The following PABPN1L variants were observed in gnomAD, a reference collection of about 807,000 sequenced individuals.
PABPN1L encodes the protein embryonic polyadenylate-binding protein 2.
PABPN1L carries 45 observed loss-of-function variants against 34.0 expected under a neutral mutation model. The observed-to-expected ratio is 1.32, with a 90% CI of 1.04 to 1.70. The LOEUF is 1.70. Ranked by LOEUF, PABPN1L falls within the 40% of genes most tolerant of loss-of-function variation. The pLI is 0.00. For synonymous variants in PABPN1L, 182 were observed against 152.1 expected (o/e 1.20, Z -1.45); for missense variants, 459 against 367.8 (o/e 1.25, Z -2.03).
rs530733916 is a variant in PABPN1L, at chr16:88,864,249, T to C, written c.785A>G (p.Gln262Arg). Reference sequence around the variant, plus strand: ...GGCACCCACTCACCGGTTCTGCCCTTGTGGTCTGAGCCGGGGCCTGCCCTG... The same window carrying C: ...GGCACCCACTCACCGGTTCTGCCCTCGTGGTCTGAGCCGGGGCCTGCCCTG... The change falls in exon 6 of 7, where the codon CAA becomes CGA. Residue 262 changes from glutamine to arginine, a missense_variant. Gln to Arg is a conservative substitution (Grantham distance 43, BLOSUM62 1). Coordinates refer to ENST00000419291, the Ensembl canonical transcript of PABPN1L. 34 of 1,535,606 alleles carry C rather than the reference T, an allele frequency of 2.2e-5. 1 individual carries two copies. The South Asian group carries it at 3.3e-4, about 15-fold the overall frequency.
chr16:88,866,615 G>C lies in PABPN1L; in HGVS notation c.-9C>G, dbSNP rs780164923. 3.9e-6 allele frequency: 6 copies of C among 1,530,238 alleles called. No homozygotes were observed. The Admixed American group carries it at 8.1e-5, about 21-fold the overall frequency. 94.8% of individuals were successfully genotyped at this position (1,530,238 alleles called of 1,614,324 possible). Reference sequence around the variant, plus strand: ...CTCGGGAAGGGCCACATGGTAGAGGGGCAGGAGGAAGGTGGGCCAGGCGAG... The same window carrying C: ...CTCGGGAAGGGCCACATGGTAGAGGCGCAGGAGGAAGGTGGGCCAGGCGAG... On this transcript the variant is annotated 5_prime_UTR_variant, in exon 1 of 7. Transcript: ENST00000419291.
chr16:88,866,699 C>T (rs761860116), upstream of PABPN1L: 27 of 1,432,394 alleles, frequency 1.9e-5, no homozygotes, highest in African/African-American at 1.9e-4. Flanking sequence ...AGTTTTAAGC[C>T]CTCCCCTGAG....
chr16:88,866,570 G>C (rs1295922515), exon 1 of PABPN1L: 2 of 1,553,670 alleles, frequency 1.3e-6, no homozygotes, highest in Non-Finnish European at 1.7e-6. Context: ...GCCTGAGTCG[G>C]GGGTGGGAAG....
chr16:88,863,602 A>C (rs1359479112), exon 7 of PABPN1L: 1 of 978,634 alleles, frequency 1.0e-6, no homozygotes, highest in Non-Finnish European at 1.6e-6. Context: ...CTACTGGGCC[A>C]TCCCCCCGCC....
intron 1 of PABPN1L, 60 bp from the exon 2 acceptor site, chr16:88,866,001 G>A: frequency 6.6e-7 from 1 of 1,508,982 alleles, no homozygotes; most frequent in East Asian, 2.4e-5. Context: ...AAGGAAGGTG[G>A]GTGTGTGGCC....
chr16:88,866,468 C>A lies in PABPN1L; in HGVS notation c.139G>T (p.Gly47Trp). Residue 47 changes from glycine (G) to tryptophan (W), a missense_variant, in exon 1 of 7, where the codon GGG becomes TGG. Gly to Trp is a radical substitution (Grantham distance 184, BLOSUM62 -2). Transcript: ENST00000419291. Reference sequence around the variant, plus strand: ...TCTTCCTCCTCTTTCTCCTCCTTCCCTTCCCCACCCTCTGGCCCCAGAATC... The same window carrying A: ...TCTTCCTCCTCTTTCTCCTCCTTCCATTCCCCACCCTCTGGCCCCAGAATC... 1.9e-6 allele frequency: 3 copies of A among 1,551,566 alleles called. No homozygotes were observed. In the South Asian group the frequency reaches 3.6e-5, roughly 18 times the overall value.
At chr16:88,863,827 C>A in intron 6 of PABPN1L, 32 bp from the exon 7 acceptor site, 1 of 1,530,746 alleles carries the variant, frequency 6.5e-7, no homozygotes, top group African/African-American at 1.4e-5. Flanking sequence ...ACTGAGTGGC[C>A]TTCCAGAGGA....
At chr16:88,864,003 G>C (rs1968514894) in intron 6 of PABPN1L, among the ~76,000 whole-genome samples, 2 of 152,164 alleles carry the variant, frequency 1.3e-5, no homozygotes, top group Non-Finnish European at 2.9e-5. Flanking sequence ...CCTTGGGGCA[G>C]CTGTAGCCCA....
exon 7 of PABPN1L, chr16:88,863,794 C>G: frequency 6.5e-7 from 1 of 1,535,994 alleles, no homozygotes; most frequent in East Asian, 2.4e-5. Flanking sequence ...TTTCCACGGG[C>G]CCTGCACGGA....
upstream of PABPN1L, among the ~76,000 whole-genome samples, chr16:88,869,812 A>G (rs1329938911): frequency 6.6e-6 from 1 of 152,238 alleles, no homozygotes; most frequent in African/African-American, 2.4e-5. Context: ...GATTGCTGAC[A>G]CACAAGGCCC....
chr16:88,866,009 G>T, intron 1 of PABPN1L, 68 bp from the exon 2 acceptor site: 1 of 1,491,700 alleles, frequency 6.7e-7, no homozygotes, highest in Non-Finnish European at 8.9e-7. Context: ...TGGGTGTGTG[G>T]CCTGCCAGCT....
At chr16:88,866,755 A>G, upstream of PABPN1L, 1 of 1,165,688 alleles carries the variant, frequency 8.6e-7, no homozygotes, top group Non-Finnish European at 1.2e-6. Context: ...AGTGGGGCTG[A>G]GCTTCCAGCC....
intron 5 of PABPN1L, 48 bp from the exon 6 acceptor site, chr16:88,864,427 C>A: frequency 6.6e-7 from 1 of 1,521,346 alleles, no homozygotes; most frequent in South Asian, 1.3e-5. Flanking sequence ...CAGCCGAGAC[C>A]CAGCTCACAG....
intron 5 of PABPN1L, 135 bp from the exon 6 acceptor site, chr16:88,864,514 G>A: frequency 1.5e-6 from 2 of 1,303,594 alleles, no homozygotes; most frequent in East Asian, 5.1e-5. Flanking sequence ...AGGGTTCCCT[G>A]CCTTTGCCTA....
chr16:88,864,581 ACGGC>A (rs1567563654), intron 5 of PABPN1L, among the ~76,000 whole-genome samples: 1 of 151,692 alleles, frequency 6.6e-6, no homozygotes, highest in East Asian at 1.9e-4. Flanking sequence ...GGGGGGGGTC[ACGGC>A]CAGCACCCCT....
exon 7 of PABPN1L, chr16:88,863,339 T>C (rs1369678253): frequency 7.2e-6 from 2 of 275,990 alleles, no homozygotes; most frequent in Non-Finnish European, 1.4e-5. Context: ...GCCATTTGCT[T>C]TTAAAAAGAG....
Position 88,864,349 on chromosome 16 carries a change from T to C in PABPN1L, c.685A>G (p.Ile229Val). 3 of 1,556,322 alleles carry C rather than the reference T, an allele frequency of 1.9e-6. No individual in the cohort carries two copies. The South Asian group carries it at 3.6e-5, about 18-fold the overall frequency. Residue 229 changes from isoleucine to valine, a missense_variant, in exon 6 of 7, where the codon ATC becomes GTC. Transcript: ENST00000419291. ...AGGCCCCCGCGGTCTGTGGAGCTGA[T>C]CCCAGGGAAGTTGGTTCTTTTCGGC...
chr16:88,865,243 C>T (rs1219527906), intron 3 of PABPN1L, 115 bp from the exon 4 acceptor site: 4 of 1,090,638 alleles, frequency 3.7e-6, no homozygotes, highest in Middle Eastern at 3.0e-4. Context: ...GGGATGGCCC[C>T]AGGCCTCCAC....
At chr16:88,866,687 G>A, upstream of PABPN1L, 1 of 1,445,806 alleles carries the variant, frequency 6.9e-7, no homozygotes. Flanking sequence ...AGGCTCTCCT[G>A]GAGTTTTAAG....
Sources: allele counts gnomAD v4.1 joint callset (sites outside exome capture counted in the v4.1 genomes callset), GRCh38; gene constraint gnomAD v4.1.1; transcripts MANE v1.5; gene names NCBI Gene and HGNC (gene_info 2026-07-23, HGNC 2026-07-21).